LRRC4C: variants seen among roughly 807,000 people sequenced by gnomAD.
The protein encoded by LRRC4C is leucine rich repeat containing 4C, also known as leucine-rich repeat-containing protein 4C.
A neutral mutation model predicts 33.6 loss-of-function variants in LRRC4C; 5 were observed. That is an observed-to-expected ratio of 0.15 (90% confidence interval 0.08 to 0.31). The LOEUF (loss-of-function observed/expected upper bound fraction) is 0.31. LRRC4C is among the 10% of genes least tolerant of loss of function. The pLI is 1.00. For missense variants in LRRC4C, 560 were observed against 796.7 expected, an observed-to-expected ratio of 0.70 and a Z score of 3.58; for synonymous variants, 329 against 302.0, an observed-to-expected ratio of 1.09 and a Z score of -0.93.
At chr11:40,444,999 ACTAGTGG>A (rs1403091404) in intron 3 of LRRC4C, among the ~76,000 whole-genome samples, 1 of 152,204 alleles carries the variant, frequency 6.6e-6, no homozygotes, top group African/African-American at 2.4e-5. Context: ...ATCAGTTACC[ACTAGTGG>A]CTCCCAAGGT....
At chr11:40,927,082 A>C (rs925435010) in intron 2 of LRRC4C, among the ~76,000 whole-genome samples, 1 of 152,230 alleles carries the variant, frequency 6.6e-6, no homozygotes, top group Non-Finnish European at 1.5e-5. Flanking sequence ...CTGATTATTA[A>C]AGAATATTAT....
intron 1 of LRRC4C, among the ~76,000 whole-genome samples, chr11:41,107,325 T>C (rs1210003692): frequency 6.6e-6 from 1 of 152,090 alleles, no homozygotes; most frequent in Non-Finnish European, 1.5e-5. Flanking sequence ...TTGCTATTGA[T>C]CTTTTTATTA....
At chr11:41,066,505 C>T (rs950411411) in intron 1 of LRRC4C, among the ~76,000 whole-genome samples, 3 of 152,210 alleles carry the variant, frequency 2.0e-5, no homozygotes, top group South Asian at 2.1e-4. Context: ...AGGATATTAT[C>T]GAGGAGAACT....
intron 1 of LRRC4C, among the ~76,000 whole-genome samples, chr11:40,952,849 A>AACACACACACACACAC (rs56684958): frequency 8.9e-6 from 1 of 112,714 alleles, no homozygotes; most frequent in African/African-American, 3.7e-5. Flanking sequence ...TCTATTTCCA[A>AACACACACACACACAC]ACACACACAC....
At chr11:40,431,137 TA>T (rs750121954) in intron 3 of LRRC4C, among the ~76,000 whole-genome samples, 5,045 of 130,906 alleles carry the variant, frequency 0.039, 235 homozygotes, top group African/African-American at 0.12. Context: ...CATTGTACTT[TA>T]AAAAAAAAAA....
chr11:41,391,345 C>A (rs918945856), intron 1 of LRRC4C, among the ~76,000 whole-genome samples: 4 of 151,616 alleles, frequency 2.6e-5, no homozygotes, highest in African/African-American at 4.8e-5. Context: ...GGGAGAAGAA[C>A]TGGGGATATG....
intron 1 of LRRC4C, among the ~76,000 whole-genome samples, chr11:41,288,157 G>T (rs563347636): frequency 1.3e-5 from 2 of 152,234 alleles, no homozygotes; most frequent in South Asian, 4.1e-4. Context: ...AAACAAGTAG[G>T]CAAATAAACA....
intron 2 of LRRC4C, among the ~76,000 whole-genome samples, chr11:40,908,066 AT>A (rs1001791236): frequency 1.3e-5 from 2 of 152,038 alleles, no homozygotes; most frequent in South Asian, 2.1e-4. Context: ...AAAAGCAAGG[AT>A]TTTTTTTCAC....
At chr11:40,902,447 C>G (rs1227408945) in intron 2 of LRRC4C, among the ~76,000 whole-genome samples, 1 of 152,034 alleles carries the variant, frequency 6.6e-6, no homozygotes, top group East Asian at 1.9e-4. Context: ...AACGAATGAC[C>G]TTACAATAGC....
At chr11:40,228,445 TAA>T in intron 5 of LRRC4C, among the ~76,000 whole-genome samples, 1 of 143,002 alleles carries the variant, frequency 7.0e-6, no homozygotes, top group African/African-American at 2.5e-5. Context: ...TACTTCAAAG[TAA>T]AAAAAAAAAA....
intron 1 of LRRC4C, among the ~76,000 whole-genome samples, chr11:41,366,833 G>GA (rs1251862031): frequency 6.6e-6 from 1 of 152,118 alleles, no homozygotes; most frequent in Non-Finnish European, 1.5e-5. Flanking sequence ...ATTGATCTCA[G>GA]ACTTCCAGTC....
chr11:40,476,038 C>A (rs943055881), intron 3 of LRRC4C, among the ~76,000 whole-genome samples: 33 of 152,110 alleles, frequency 2.2e-4, no homozygotes, highest in African/African-American at 8.0e-4. Context: ...CCAGTAATAC[C>A]CTCCTGCATC....
intron 1 of LRRC4C, among the ~76,000 whole-genome samples, chr11:40,998,823 G>T (rs776231157): frequency 1.3e-5 from 2 of 152,102 alleles, no homozygotes; most frequent in Non-Finnish European, 2.9e-5. Flanking sequence ...GTACTGAGGA[G>T]AGATTTTTAT....
In LRRC4C at chr11:41,219,984, T is replaced by A. The variant is rs930827483; in HGVS notation, c.-496+239447A>T. On this transcript the variant is annotated intron_variant, in intron 1 of 6. Coordinates refer to ENST00000528697, the MANE Select transcript of LRRC4C (RefSeq NM_001258419.2). ...GGCATCATAGGGACCTATATGTGTT[T>A]TTGTATTATTTGACCTGGAATTTTT... Among the ~76,000 whole-genome samples, 4 of 152,262 alleles carry A rather than the reference T, an allele frequency of 2.6e-5. 1 individual carries two copies. In the South Asian group the frequency reaches 8.3e-4, roughly 32 times the overall value.
At chr11:40,962,332 T>C (rs549272748) in intron 1 of LRRC4C, among the ~76,000 whole-genome samples, 91 of 151,592 alleles carry the variant, frequency 6.0e-4, no homozygotes, top group Non-Finnish European at 1.2e-3. Context: ...TGCTCACATC[T>C]TGGTTTCAGA....
chr11:40,573,669 C>G (rs969885098), intron 3 of LRRC4C, among the ~76,000 whole-genome samples: 1 of 152,092 alleles, frequency 6.6e-6, no homozygotes, highest in African/African-American at 2.4e-5. Context: ...CCCATCTATC[C>G]AACAAACAGG....
chr11:40,382,123 ATTTTTTT>A (rs77934711), intron 3 of LRRC4C, among the ~76,000 whole-genome samples: 126 of 99,948 alleles, frequency 1.3e-3, no homozygotes, highest in Admixed American at 2.4e-3. Context: ...TGCCCGGCTA[ATTTTTTT>A]TTTTTTTTTT....
At chr11:40,754,295 T>C (rs1033416528) in intron 2 of LRRC4C, among the ~76,000 whole-genome samples, 1 of 152,158 alleles carries the variant, frequency 6.6e-6, no homozygotes, top group Non-Finnish European at 1.5e-5. Context: ...GTAATTAATA[T>C]ACAACTCTAT....
At chr11:40,317,756 G>A (rs1053054060) in intron 4 of LRRC4C, among the ~76,000 whole-genome samples, 1 of 151,940 alleles carries the variant, frequency 6.6e-6, no homozygotes, top group Admixed American at 6.6e-5. Flanking sequence ...ACAACACTAC[G>A]CTACTCTTTT....
Sources: gnomAD v4.1 joint callset for allele counts (sites outside exome capture counted in the v4.1 genomes callset) on GRCh38, gnomAD v4.1.1 for gene constraint, MANE v1.5 for transcripts, NCBI Gene and HGNC (gene_info 2026-07-23, HGNC 2026-07-21) for gene names.